Variants in ADAMTS17 observed in about 807,000 individuals in gnomAD.
ADAMTS17 encodes ADAM metallopeptidase with thrombospondin type 1 motif 17, also known as A disintegrin and metalloproteinase with thrombospondin motifs 17.
In ADAMTS17, 113 loss-of-function variants were observed where a neutral mutation model predicts 141.5. That is an observed-to-expected ratio of 0.80 (90% CI 0.69 to 0.93). The LOEUF is 0.93. Ranked by LOEUF, ADAMTS17 falls within the 40% of genes least tolerant of loss-of-function variation. ADAMTS17 has a pLI of 0.00. For synonymous variants in ADAMTS17, 768 were observed against 630.6 expected, an observed-to-expected ratio of 1.22 and a Z score of -3.27; for missense variants, 1,659 against 1,517.9, an observed-to-expected ratio of 1.09 and a Z score of -1.54.
At chr15:100,115,666 C>T (rs914196496) in intron 13 of ADAMTS17, among the ~76,000 whole-genome samples, 7 of 152,278 alleles carry the variant, frequency 4.6e-5, no homozygotes, top group East Asian at 1.9e-4. Context: ...CCTGAACTTG[C>T]GACAGCAGAA....
chr15:100,325,162 G>C (rs1012322344), intron 3 of ADAMTS17, among the ~76,000 whole-genome samples: 1 of 152,024 alleles, frequency 6.6e-6, no homozygotes, highest in Non-Finnish European at 1.5e-5. Flanking sequence ...GTGTTCCTCC[G>C]CAATTATCCT....
At chr15:100,147,973 T>C (rs914022201) in intron 10 of ADAMTS17, among the ~76,000 whole-genome samples, 1 of 152,384 alleles carries the variant, frequency 6.6e-6, no homozygotes, top group South Asian at 2.1e-4. Context: ...CTCATGGCTG[T>C]TGCATTCCTT....
intron 18 of ADAMTS17, among the ~76,000 whole-genome samples, chr15:100,023,125 T>G (rs2061434913): frequency 6.6e-6 from 1 of 152,236 alleles, no homozygotes. Context: ...AAAGAGACTC[T>G]TCCATCAAGT....
intron 4 of ADAMTS17, among the ~76,000 whole-genome samples, chr15:100,265,615 T>C (rs1340450378): frequency 1.3e-5 from 2 of 152,144 alleles, no homozygotes; most frequent in South Asian, 2.1e-4. Flanking sequence ...GGAGCCGTGG[T>C]TGGAGGCACA....
chr15:100,301,527 C>T (rs988985496), intron 3 of ADAMTS17, among the ~76,000 whole-genome samples: 34 of 143,268 alleles, frequency 2.4e-4, no homozygotes, highest in African/African-American at 6.3e-4. Context: ...TTAGTAGAGA[C>T]GGGGTTTCAC....
chr15:100,155,610 A>G (rs1456718927), intron 8 of ADAMTS17, among the ~76,000 whole-genome samples: 2 of 152,236 alleles, frequency 1.3e-5, no homozygotes, highest in East Asian at 1.9e-4. Context: ...CTGTGACATG[A>G]TAATTCTTAA....
At chr15:100,113,455 C>A (rs1197200403) in intron 13 of ADAMTS17, among the ~76,000 whole-genome samples, 1 of 152,124 alleles carries the variant, frequency 6.6e-6, no homozygotes, top group Non-Finnish European at 1.5e-5. Flanking sequence ...TCTCCTGGAG[C>A]CCACTAGCAA....
chr15:100,319,019 T>C (rs926626431), intron 3 of ADAMTS17, among the ~76,000 whole-genome samples: 2 of 152,216 alleles, frequency 1.3e-5, no homozygotes, highest in Non-Finnish European at 2.9e-5. Context: ...TCCGATGGCC[T>C]AAGGATAAGC....
chr15:99,976,051 G>C lies in ADAMTS17; in HGVS notation c.3121C>G (p.Arg1041Gly), dbSNP rs149434438. The C allele has an allele frequency of 5.2e-6, 8 of 1,550,012 alleles. No individual in the cohort carries two copies. The highest frequency in any genetic ancestry group is 2.0e-5 in the Admixed American group (1 of 50,906). Reference sequence around the variant, plus strand: ...GGCCAGTGAAGACACTCACCAAGGCGGGGGGAGGTGATGGTGTTGGCGTTG... The same window carrying C: ...GGCCAGTGAAGACACTCACCAAGGCCGGGGGAGGTGATGGTGTTGGCGTTG... ...RINANTITSP[R>G]LAALTYKCTR... Residue 1041 changes from arginine (R) to glycine (G), a missense_variant, in exon 21 of 22, where the codon CGC becomes GGC. Coordinates refer to ENST00000268070, the MANE Select transcript of ADAMTS17 (RefSeq NM_139057.4).
intron 2 of ADAMTS17, among the ~76,000 whole-genome samples, chr15:100,337,757 C>G (rs2046250672): frequency 6.6e-6 from 1 of 152,168 alleles, no homozygotes; most frequent in Non-Finnish European, 1.5e-5. Flanking sequence ...CTCGTTCACT[C>G]TTCCTAAAAC....
intron 8 of ADAMTS17, among the ~76,000 whole-genome samples, chr15:100,163,423 A>T (rs977615544): frequency 7.7e-4 from 116 of 150,700 alleles, no homozygotes; most frequent in African/African-American, 2.7e-3. Flanking sequence ...GTGCTTCATG[A>T]TCCACATTTT....
chr15:100,234,678 C>T lies in ADAMTS17; in HGVS notation c.1075+19458G>A, dbSNP rs140498641. Among the ~76,000 whole-genome samples the T allele has an allele frequency of 1.8e-3, 278 of 152,316 alleles. 1 individual carries two copies. The highest frequency in any genetic ancestry group is 6.3e-3 in the African/African-American group (261 of 41,574). The stretch of plus-strand genomic sequence containing the variant: ...CAAAACATATGTTTACCTTGGCATT[C>T]GCAGCTCTGTGGCAGAGGAAACGCT... On this transcript the variant is annotated intron_variant, in intron 7 of 21. Transcript: ENST00000268070.
chr15:99,989,078 C>G (rs1280992592), intron 20 of ADAMTS17, among the ~76,000 whole-genome samples: 2 of 152,198 alleles, frequency 1.3e-5, no homozygotes, highest in Non-Finnish European at 2.9e-5. Flanking sequence ...CTACCCAATC[C>G]CTTCTTGCTT....
At chr15:100,171,619 C>T (rs543285021) in intron 8 of ADAMTS17, among the ~76,000 whole-genome samples, 4 of 152,274 alleles carry the variant, frequency 2.6e-5, no homozygotes, top group South Asian at 4.1e-4. Context: ...CCCCAGTCCT[C>T]GCCAGCAGAC....
At position 100,292,180 on chromosome 15, in the gene ADAMTS17, C is replaced by T. The variant is rs183028048; in HGVS notation, c.617-10779G>A. Among the ~76,000 whole-genome samples the T allele has an allele frequency of 1.1e-4, 17 of 148,236 alleles. No homozygotes were observed. In the East Asian group the frequency reaches 1.4e-3, roughly 12 times the overall value. ...TCACCCCGTGGGAAACTACGAGACA[C>T]GCTCACCCCGTGGGGAATCACGAGA... On this transcript the variant is annotated intron_variant, in intron 3 of 21. Transcript: ENST00000268070.
At chr15:100,243,290 T>C (rs2042882266) in intron 7 of ADAMTS17, among the ~76,000 whole-genome samples, 2 of 152,210 alleles carry the variant, frequency 1.3e-5, no homozygotes, top group South Asian at 2.1e-4. Context: ...GCTATGAAGA[T>C]GGATGTACAA....
intron 18 of ADAMTS17, among the ~76,000 whole-genome samples, chr15:100,020,694 G>A (rs1342003918): frequency 6.6e-6 from 1 of 152,182 alleles, no homozygotes. Flanking sequence ...CATGTTCATG[G>A]TGAACTTGAA....
chr15:100,276,702 A>C (rs1179544283), intron 4 of ADAMTS17, among the ~76,000 whole-genome samples: 1 of 152,094 alleles, frequency 6.6e-6, no homozygotes, highest in Non-Finnish European at 1.5e-5. Flanking sequence ...TCTGGAGGGA[A>C]ACAGATGGGC....
At chr15:100,118,661 C>A (rs184873743) in intron 12 of ADAMTS17, among the ~76,000 whole-genome samples, 1 of 152,296 alleles carries the variant, frequency 6.6e-6, no homozygotes, top group Non-Finnish European at 1.5e-5. Flanking sequence ...GCAGCCTGGG[C>A]CAGGTACCAT....
Sources: allele counts gnomAD v4.1 joint callset (sites outside exome capture counted in the v4.1 genomes callset), GRCh38; gene constraint gnomAD v4.1.1; transcripts MANE v1.5; gene names NCBI Gene and HGNC (gene_info 2026-07-23, HGNC 2026-07-21).